The following NELL2 variants were observed in gnomAD, a reference collection of about 807,000 sequenced individuals.
NELL2 encodes neural EGFL like 2, also known as protein kinase C-binding protein NELL2.
In NELL2, 41 loss-of-function variants were observed where a neutral mutation model predicts 109.6. The observed-to-expected ratio is 0.37, with a 90% confidence interval of 0.29 to 0.49. The LOEUF (loss-of-function observed/expected upper bound fraction) is 0.49. Among genes scored for constraint, NELL2 ranks in the 20% least tolerant of loss-of-function variants. The probability of loss-of-function intolerance (pLI) is 0.98; values close to 1 mark genes in which losing one functional copy is unlikely to be tolerated. For synonymous variants in NELL2, 355 were observed against 344.7 expected (o/e 1.03, Z -0.33); for missense variants, 900 against 1,008.3 (o/e 0.89, Z 1.45).
chr12:44,797,215 T>C (rs1251730910), intron 3 of NELL2, among the ~76,000 whole-genome samples: 2 of 152,114 alleles, frequency 1.3e-5, no homozygotes, highest in African/African-American at 4.8e-5. Flanking sequence ...CAGTTGTGAC[T>C]GAAACCAAAC....
chr12:44,909,281 C>T (rs905207485), intron 1 of NELL2, among the ~76,000 whole-genome samples: 1 of 151,418 alleles, frequency 6.6e-6, no homozygotes, highest in African/African-American at 2.4e-5. Flanking sequence ...TCCTATATAC[C>T]AATAATGTTC....
At chr12:44,905,427 T>C (rs78386767) in intron 1 of NELL2, among the ~76,000 whole-genome samples, 1,595 of 152,180 alleles carry the variant, frequency 0.01, 29 homozygotes, top group East Asian at 0.047. Flanking sequence ...TAGCTGTTTA[T>C]TAATCTTACA....
intron 15 of NELL2, among the ~76,000 whole-genome samples, chr12:44,548,278 T>G (rs1427324888): frequency 6.6e-6 from 1 of 152,142 alleles, no homozygotes; most frequent in Non-Finnish European, 1.5e-5. Flanking sequence ...GTAGTAGATT[T>G]AAGAACATAA....
At chr12:44,741,325 G>A (rs1466952654) in intron 9 of NELL2, among the ~76,000 whole-genome samples, 1 of 152,054 alleles carries the variant, frequency 6.6e-6, no homozygotes, top group African/African-American at 2.4e-5. Flanking sequence ...TAAGGGGGAG[G>A]AGCCAAGATG....
chr12:44,523,459 C>G lies in NELL2; in HGVS notation c.1830G>C (p.Arg610Ser). 3.1e-6 allele frequency: 5 copies of G among 1,613,796 alleles called. No homozygotes were observed. Among genetic ancestry groups the G allele is most frequent in the Non-Finnish European group, 4.2e-6 (5 of 1,179,974 alleles). Residue 610 changes from arginine to serine, a missense_variant, in exon 17 of 20, where the codon AGG (arginine) becomes AGC (serine). Arg to Ser is a moderately radical substitution (Grantham distance 110). Around this residue, in one of 4 missense-constraint regions of NELL2, gnomAD observed 333 missense variants for 432.3 expected, o/e 0.77. Coordinates refer to ENST00000429094, the MANE Select transcript of NELL2 (RefSeq NM_001145108.2). ...AAATGGTATCATTGGCACAGCTGTG[C>G]CTCCCGGTCCCACACTCATCAATAT... The part of the protein sequence containing the change: ...CEDIDECGTG[R>S]HSCANDTICF...
intron 1 of NELL2, among the ~76,000 whole-genome samples, chr12:44,913,384 T>C (rs1822470829): frequency 6.6e-6 from 1 of 152,188 alleles, no homozygotes; most frequent in Non-Finnish European, 1.5e-5. Flanking sequence ...TTCTAGTTTT[T>C]TCTTTATACT....
intron 3 of NELL2, among the ~76,000 whole-genome samples, chr12:44,795,511 A>T (rs1165258886): frequency 6.6e-6 from 1 of 152,176 alleles, no homozygotes; most frequent in Non-Finnish European, 1.5e-5. Flanking sequence ...GTAAATGGTA[A>T]CTATTTTTAT....
At chr12:44,782,242 C>T (rs530911420) in intron 3 of NELL2, among the ~76,000 whole-genome samples, 9 of 151,842 alleles carry the variant, frequency 5.9e-5, no homozygotes, top group Admixed American at 1.3e-4. Flanking sequence ...GGAATACCTA[C>T]AGCAACCACT....
At chr12:44,846,141 G>A (rs1004029858) in intron 2 of NELL2, among the ~76,000 whole-genome samples, 1 of 152,142 alleles carries the variant, frequency 6.6e-6, no homozygotes, top group African/African-American at 2.4e-5. Context: ...CATGGTTTAA[G>A]GCCATTTAAG....
rs578011445 is a variant in NELL2 at position 44,533,048 on chromosome 12, C to T, written c.1664-327G>A. ...AAGCTAGGATTATGATTCTCCAGGC[C>T]CTTCAAGTTAGGTATGGCCACGTGA... On this transcript the variant is annotated intron_variant, in intron 15 of 19. Coordinates refer to ENST00000429094, the MANE Select transcript of NELL2 (RefSeq NM_001145108.2). 2.0e-5 allele frequency among the ~76,000 whole-genome samples: 3 copies of T among 152,214 alleles called. No individual in the cohort carries two copies. In the South Asian group the frequency reaches 6.2e-4, roughly 32 times the overall value.
intron 15 of NELL2, among the ~76,000 whole-genome samples, chr12:44,553,625 G>GCC (rs1316274764): frequency 6.6e-6 from 1 of 152,096 alleles, no homozygotes; most frequent in Non-Finnish European, 1.5e-5. Context: ...TGTTTGAAGG[G>GCC]ATGGATATTC....
intron 16 of NELL2, among the ~76,000 whole-genome samples, chr12:44,526,422 T>C (rs1941774962): frequency 6.6e-6 from 1 of 152,168 alleles, no homozygotes; most frequent in South Asian, 2.1e-4. Context: ...ATCAGGAAAT[T>C]GAGACATAAT....
chr12:44,543,815 T>C (rs1942680096), intron 15 of NELL2, among the ~76,000 whole-genome samples: 1 of 152,138 alleles, frequency 6.6e-6, no homozygotes, highest in African/African-American at 2.4e-5. Flanking sequence ...ATCCTCTGGC[T>C]GCAACCTCGA....
At chr12:44,908,347 G>T (rs1319897137) in intron 1 of NELL2, among the ~76,000 whole-genome samples, 1 of 151,944 alleles carries the variant, frequency 6.6e-6, no homozygotes, top group African/African-American at 2.4e-5. Flanking sequence ...GGTAAGAAAG[G>T]CAGTAAAACA....
chr12:44,726,320 G>C (rs1939079341), intron 9 of NELL2, among the ~76,000 whole-genome samples: 1 of 152,140 alleles, frequency 6.6e-6, no homozygotes, highest in Admixed American at 6.6e-5. Flanking sequence ...ACGACTTCAT[G>C]AGGTGAGAAA....
At chr12:44,714,820 A>G (rs188347363) in intron 9 of NELL2, 79 bp from the exon 10 acceptor site, 1 of 845,700 alleles carries the variant, frequency 1.2e-6, no homozygotes, top group East Asian at 2.9e-5. Flanking sequence ...TTGTAACAGC[A>G]TTCCACATGT....
intron 2 of NELL2, among the ~76,000 whole-genome samples, chr12:44,822,423 T>A (rs1311022624): frequency 6.6e-6 from 1 of 152,182 alleles, no homozygotes; most frequent in East Asian, 1.9e-4. Flanking sequence ...ATATACAAGT[T>A]TTGGCCATCA....
At chr12:44,770,067 C>T (rs1430106759) in intron 9 of NELL2, among the ~76,000 whole-genome samples, 1 of 152,078 alleles carries the variant, frequency 6.6e-6, no homozygotes, top group Admixed American at 6.5e-5. Context: ...AGTAATGTCA[C>T]AATCTACCTG....
intron 12 of NELL2, among the ~76,000 whole-genome samples, chr12:44,672,684 G>A (rs949007837): frequency 2.0e-5 from 3 of 152,232 alleles, no homozygotes; most frequent in Non-Finnish European, 4.4e-5. Flanking sequence ...GTGGGGAAAA[G>A]AGCCAGTGAA....
Sources: gnomAD v4.1 joint callset for allele counts (sites outside exome capture counted in the v4.1 genomes callset) on GRCh38, gnomAD v4.1.1 for gene constraint, gnomAD v4.1.1 regional missense constraint, MANE v1.5 for transcripts, NCBI Gene and HGNC (gene_info 2026-07-23, HGNC 2026-07-21) for gene names.